CRYBG3: variants seen among roughly 807,000 people sequenced by gnomAD.
The protein encoded by CRYBG3 is crystallin beta-gamma domain containing 3.
A neutral mutation model predicts 244.2 loss-of-function variants in CRYBG3; 127 were observed. That is an observed-to-expected ratio of 0.52 (90% CI 0.45 to 0.60). The LOEUF is 0.60. Among genes scored for constraint, CRYBG3 ranks in the 20% least tolerant of loss-of-function variants. The pLI is 0.00. For missense variants in CRYBG3, 3,325 were observed against 3,442.5 expected, an observed-to-expected ratio of 0.97 and a Z score of 0.85; for synonymous variants, 1,132 against 1,195.8, an observed-to-expected ratio of 0.95 and a Z score of 1.10.
intron 4 of CRYBG3, 48 bp downstream of exon 4, chr3:97,878,085 G>A: frequency 6.8e-7 from 1 of 1,471,276 alleles, no homozygotes; most frequent in South Asian, 1.4e-5. Context: ...AAAGCTTTGG[G>A]TCACGAAATT....
chr3:97,853,144 T>C (rs1224448137), intron 2 of CRYBG3, among the ~76,000 whole-genome samples: 4 of 152,092 alleles, frequency 2.6e-5, no homozygotes, highest in Non-Finnish European at 5.9e-5. Context: ...ATGTGTAGTC[T>C]TTTATCCCTC....
intron 17 of CRYBG3, among the ~76,000 whole-genome samples, chr3:97,916,360 G>T (rs948580851): frequency 2.0e-5 from 3 of 152,166 alleles, no homozygotes; most frequent in African/African-American, 7.2e-5. Context: ...TGTGCAGAAT[G>T]ATCTGGGTCA....
intron 9 of CRYBG3, among the ~76,000 whole-genome samples, chr3:97,889,098 C>T (rs2039542344): frequency 6.6e-6 from 1 of 152,166 alleles, no homozygotes; most frequent in Non-Finnish European, 1.5e-5. Context: ...TTTCCTTCCT[C>T]ATAGTAGTTG....
intron 19 of CRYBG3, among the ~76,000 whole-genome samples, chr3:97,940,711 C>T (rs2040218754): frequency 6.6e-6 from 1 of 151,958 alleles, no homozygotes; most frequent in South Asian, 2.1e-4. Flanking sequence ...CAAGACCTCC[C>T]AGGGCCAACT....
chr3:97,832,919 C>A (rs570045199), intron 1 of CRYBG3, among the ~76,000 whole-genome samples: 1 of 152,258 alleles, frequency 6.6e-6, no homozygotes, highest in East Asian at 1.9e-4. Flanking sequence ...TGAAGAGACA[C>A]TTCTCAAAAG....
chr3:97,891,890 A>G (rs893285900), intron 10 of CRYBG3, among the ~76,000 whole-genome samples: 1 of 152,166 alleles, frequency 6.6e-6, no homozygotes, highest in African/African-American at 2.4e-5. Context: ...CTTTTTCAAA[A>G]CACTTTCATA....
At chr3:97,852,748 T>G (rs2108186694) in intron 2 of CRYBG3, among the ~76,000 whole-genome samples, 1 of 152,270 alleles carries the variant, frequency 6.6e-6, no homozygotes. Context: ...TGGAGCAACC[T>G]CCATACTGTT....
At chr3:97,884,375 ATCTT>A (rs1054855984) in intron 7 of CRYBG3, among the ~76,000 whole-genome samples, 12 of 152,214 alleles carry the variant, frequency 7.9e-5, no homozygotes, top group African/African-American at 2.9e-4. Context: ...AAGATATGAC[ATCTT>A]TCTTATGGTA....
Position 97,864,610 on chromosome 3 carries a change from A to G in CRYBG3, c.610A>G (p.Thr204Ala). ...CTCAGATGCTTTTTCTTTGGATACA[A>G]CACAAGACAGTGACCAAGAAACCAC... ...ELSDAFSLDT[T>A]QDSDQETTNL... The change falls in exon 3 of 22, where the codon ACA (threonine) becomes GCA (alanine). Residue 204 changes from threonine to alanine, a missense_variant. Transcript: ENST00000389622. 6.5e-7 allele frequency: 1 copy of G among 1,532,220 alleles called. No homozygotes were observed. 94.9% of individuals were successfully genotyped at this position (1,532,220 alleles called of 1,614,324 possible).
chr3:97,883,668 C>T (rs1225729613), intron 7 of CRYBG3, among the ~76,000 whole-genome samples: 1 of 151,704 alleles, frequency 6.6e-6, no homozygotes, highest in Non-Finnish European at 1.5e-5. Flanking sequence ...AGTGTTAGTT[C>T]GTGTGTCTCG....
chr3:97,936,247 G>A (rs2040162957), intron 18 of CRYBG3, among the ~76,000 whole-genome samples: 1 of 152,052 alleles, frequency 6.6e-6, no homozygotes, highest in South Asian at 2.1e-4. Context: ...TTGAAGGCAA[G>A]GGTTTCGGGG....
intron 1 of CRYBG3, among the ~76,000 whole-genome samples, chr3:97,831,080 A>G (rs2038648188): frequency 6.6e-6 from 1 of 152,196 alleles, no homozygotes; most frequent in Non-Finnish European, 1.5e-5. Flanking sequence ...TGCAGGGGGA[A>G]AAAATTGATT....
chr3:97,869,883 A>T (rs2039280535), intron 3 of CRYBG3, among the ~76,000 whole-genome samples: 2 of 152,202 alleles, frequency 1.3e-5, no homozygotes, highest in Non-Finnish European at 1.5e-5. Flanking sequence ...TTTAAGAGAC[A>T]CAGTTGGTGA....
chr3:97,875,137 G>A lies in CRYBG3; in HGVS notation c.3943G>A (p.Val1315Ile), dbSNP rs1395573157. The change falls in exon 4 of 22, where the codon GTA becomes ATA. Residue 1315 changes from valine (V) to isoleucine (I), a missense_variant. Physicochemically the swap from Val to Ile is conservative, Grantham distance 29. Coordinates refer to ENST00000389622, the MANE Select transcript of CRYBG3 (RefSeq NM_153605.4). The stretch of plus-strand genomic sequence containing the variant: ...GGAATTAGTCAATGAGATTATTTAT[G>A]TAGCCCAAGAAAAATTGAGAAATGA... ...ARELVNEIIY[V>I]AQEKLRNDTF... The A allele has an allele frequency of 6.5e-7, 1 of 1,535,094 alleles. No individual in the cohort carries two copies. Among genetic ancestry groups the A allele is most frequent in the East Asian group, 2.4e-5 (1 of 40,914 alleles).
At chr3:97,835,411 T>C (rs1006417185) in intron 1 of CRYBG3, among the ~76,000 whole-genome samples, 1 of 151,774 alleles carries the variant, frequency 6.6e-6, no homozygotes, top group Non-Finnish European at 1.5e-5. Context: ...TATCCGGGAG[T>C]TGGGCATGAG....
chr3:97,853,387 G>GAC (rs952920377), intron 2 of CRYBG3, among the ~76,000 whole-genome samples: 4 of 136,608 alleles, frequency 2.9e-5, no homozygotes, highest in Admixed American at 7.9e-5. Context: ...TGTACACACA[G>GAC]ACACACACAC....
At position 97,864,344 on chromosome 3, in the gene CRYBG3, G is replaced by T. The variant is rs190235634; in HGVS notation, c.344G>T (p.Arg115Ile). 2 of 1,535,942 alleles carry T rather than the reference G, an allele frequency of 1.3e-6. No homozygotes were observed. Among genetic ancestry groups the T allele is most frequent in the East Asian group, 4.9e-5 (2 of 40,904 alleles). The stretch of plus-strand genomic sequence containing the variant: ...GATACCAAAATAGGAGAAAGTGACA[G>T]ACAGCCAAAAGAAAGCTTTTTTCAG... ...TSDTKIGESD[R>I]QPKESFFQFL... Residue 115 changes from arginine (R) to isoleucine (I), a missense_variant, in exon 3 of 22, where the codon AGA becomes ATA. Transcript: ENST00000389622.
chr3:97,846,436 C>T (rs2038902164), intron 2 of CRYBG3, among the ~76,000 whole-genome samples: 1 of 152,218 alleles, frequency 6.6e-6, no homozygotes, highest in African/African-American at 2.4e-5. Context: ...CCATCTAGAG[C>T]TCCAGACTTG....
chr3:97,847,693 A>G (rs2038923747), intron 2 of CRYBG3, among the ~76,000 whole-genome samples: 1 of 152,254 alleles, frequency 6.6e-6, no homozygotes, highest in African/African-American at 2.4e-5. Flanking sequence ...AATGATTATT[A>G]TGCATATTCT....
Sources: allele counts gnomAD v4.1 joint callset (sites outside exome capture counted in the v4.1 genomes callset), GRCh38; gene constraint gnomAD v4.1.1; transcripts MANE v1.5; gene names NCBI Gene and HGNC (gene_info 2026-07-23, HGNC 2026-07-21).